The following ZPR1 variants were observed in gnomAD, a reference collection of about 807,000 sequenced individuals.
The protein encoded by ZPR1 is zinc finger protein ZPR1.
Under a neutral mutation model 59.6 loss-of-function variants are expected in ZPR1, and 37 were observed. The ratio of observed to expected loss-of-function variants is 0.62; its 90% confidence interval spans 0.48 to 0.82. The LOEUF (loss-of-function observed/expected upper bound fraction) is 0.82. Ranked by LOEUF, ZPR1 falls within the 40% of genes least tolerant of loss-of-function variation. The pLI is 0.00. For synonymous variants in ZPR1, 191 were observed against 215.2 expected, an observed-to-expected ratio of 0.89 and a Z score of 0.99; for missense variants, 527 against 579.9, an observed-to-expected ratio of 0.91 and a Z score of 0.94.
At position 116,777,947 on chromosome 11, in the gene ZPR1, A is replaced by G. The variant is rs1245932481; in HGVS notation, c.*978T>C. On this transcript the variant is annotated 3_prime_UTR_variant, in exon 14 of 14. Transcript: ENST00000227322. The stretch of plus-strand genomic sequence containing the variant: ...AACATTTCTAACTGAGAGTAGGGCT[A>G]ACTGATCAGGTACCCCCACTGGCTC... 1 of 152,170 alleles carries G rather than the reference A, an allele frequency of 6.6e-6. No individual in the cohort carries two copies. Among genetic ancestry groups the G allele is most frequent in the Admixed American group, 6.5e-5 (1 of 15,270 alleles). 9.4% of individuals were successfully genotyped at this position (152,170 alleles called of 1,614,324 possible).
intron 12 of ZPR1, among the ~76,000 whole-genome samples, chr11:116,781,048 G>A (rs1316921935): frequency 6.6e-6 from 1 of 152,020 alleles, no homozygotes; most frequent in Admixed American, 6.5e-5. Context: ...AGTTTTAGTG[G>A]AAATGAAAAC....
chr11:116,787,486 A>G lies in ZPR1; in HGVS notation c.329T>C (p.Leu110Pro), dbSNP rs1940905507. 1.2e-6 allele frequency: 2 copies of G among 1,613,602 alleles called. No homozygotes were observed. The highest frequency in any genetic ancestry group is 1.3e-5 in the African/African-American group (1 of 75,036). Residue 110 changes from leucine to proline, a missense_variant, in exon 2 of 14, where the codon CTG (leucine) becomes CCG (proline). Leu to Pro is a moderately conservative substitution (Grantham distance 98, BLOSUM62 -3). Transcript: ENST00000227322. ...GVRYTLSVRA[L>P]EDMNREVVKT... Reference sequence around the variant, plus strand: ...CCTGCTCTGAGGTCCTCTCACCTCCAGAGCCCTGACAGACAAAGTGTAGCG... The same window carrying G: ...CCTGCTCTGAGGTCCTCTCACCTCCGGAGCCCTGACAGACAAAGTGTAGCG...
At chr11:116,782,089 A>G in intron 12 of ZPR1, 69 bp downstream of exon 12, 1 of 1,178,740 alleles carries the variant, frequency 8.5e-7, no homozygotes. Context: ...GTGGCAAGAC[A>G]TGAGCATGCA....
chr11:116,786,399 T>C, intron 4 of ZPR1, 112 bp downstream of exon 4: 8 of 1,173,834 alleles, frequency 6.8e-6, no homozygotes, highest in Non-Finnish European at 1.0e-5. Flanking sequence ...AGCACCACCA[T>C]ATGCTTACCC....
At chr11:116,779,180 T>G in intron 13 of ZPR1, 121 bp from the exon 14 acceptor site, 2 of 1,366,494 alleles carry the variant, frequency 1.5e-6, no homozygotes, top group African/African-American at 1.4e-5. Flanking sequence ...TTTATTGGCC[T>G]CCAATTTCCC....
rs566006409 is a variant in ZPR1 at position 116,782,915 on chromosome 11, T to A, written c.1092+4A>T. ...GTGGTTTACACACTACTCAAGTGAC[T>A]CACCAGTTCCCGGATGTCTTTCAGC... On this transcript the variant is annotated splice_donor_region_variant and intron_variant, in intron 11 of 13. Coordinates refer to ENST00000227322, the MANE Select transcript of ZPR1 (RefSeq NM_003904.5). The A allele has an allele frequency of 1.2e-6, 2 of 1,613,220 alleles. No individual in the cohort carries two copies. Among genetic ancestry groups the A allele is most frequent in the East Asian group, 4.5e-5 (2 of 44,884 alleles).
Position 116,778,909 on chromosome 11 carries a change from C to T in ZPR1, c.*16G>A. Reference sequence around the variant, plus strand: ...GAAAGAGCAGCGCTGGAGGCTGGCCCTTGAGCCACCCACTGCTACCGTTGC... The same window carrying T: ...GAAAGAGCAGCGCTGGAGGCTGGCCTTTGAGCCACCCACTGCTACCGTTGC... On this transcript the variant is annotated 3_prime_UTR_variant, in exon 14 of 14. Transcript: ENST00000227322. 1 of 1,612,856 alleles carries T rather than the reference C, an allele frequency of 6.2e-7. No individual in the cohort carries two copies. The highest frequency in any genetic ancestry group is 8.5e-7 in the Non-Finnish European group (1 of 1,179,866).
chr11:116,787,545 G>C lies in ZPR1; in HGVS notation c.270C>G (p.Ile90Met), dbSNP rs766453854. The C allele has an allele frequency of 1.9e-6, 3 of 1,614,230 alleles. No individual in the cohort carries two copies. The East Asian group carries it at 6.7e-5, about 36-fold the overall frequency. The change falls in exon 2 of 14, where the codon ATC becomes ATG. Residue 90 changes from isoleucine (I) to methionine (M), a missense_variant. Physicochemically the swap from Ile to Met is conservative, Grantham distance 10. Coordinates refer to ENST00000227322, the MANE Select transcript of ZPR1 (RefSeq NM_003904.5). ...GGTCCTGGATCCTGCCTGCCGACTG[G>C]ATCTCCGTGTTGTTCCAGCCACAGT... Reference protein sequence around the residue: ...CEHCGWNNTEIQSAGRIQDQG... With the variant: ...CEHCGWNNTEMQSAGRIQDQG...
chr11:116,776,251 A>T lies in ZPR1; in HGVS notation c.*2674T>A, dbSNP rs1428941418. ...ACTTTCCTTTTTTAACACAATCACA[A>T]ACCTTTTCCACTTAAATGTTACTCA... On this transcript the variant is annotated 3_prime_UTR_variant, in exon 14 of 14. Transcript: ENST00000227322. 2 of 152,164 alleles carry T rather than the reference A, an allele frequency of 1.3e-5. No homozygotes were observed. Among genetic ancestry groups the T allele is most frequent in the Non-Finnish European group, 2.9e-5 (2 of 68,026 alleles). The allele number at this position is 152,164 out of a possible 1,614,324, so 9.4% of individuals were successfully genotyped here.
chr11:116,784,527 C>G lies in ZPR1; in HGVS notation c.821-79G>C, dbSNP rs570101828. On this transcript the variant is annotated intron_variant, in intron 8 of 13. Coordinates refer to ENST00000227322, the MANE Select transcript of ZPR1 (RefSeq NM_003904.5). ...GGGAAAAACAAAGCCAAACCCCACA[C>G]AAACATATGCTGGTCCCAGAACTGC... 116 of 1,323,198 alleles carry G rather than the reference C, an allele frequency of 8.8e-5. 2 individuals are homozygous for G. In the South Asian group the frequency reaches 1.3e-3, roughly 15 times the overall value. The allele number at this position is 1,323,198 out of a possible 1,614,324, so 82.0% of individuals were successfully genotyped here. A position where few individuals can be genotyped will look rare whatever the true frequency, so the allele number is the denominator to read the frequency against.
rs772874052 is a variant in ZPR1, at chr11:116,786,546, T to G, written c.460A>C (p.Ile154Leu). The G allele has an allele frequency of 1.9e-6, 3 of 1,614,124 alleles. No homozygotes were observed. The highest frequency in any genetic ancestry group is 2.7e-5 in the African/African-American group (2 of 74,946). The change falls in exon 4 of 14, where the codon ATC becomes CTC. Residue 154 changes from isoleucine (I) to leucine (L), a missense_variant. Ile to Leu is a conservative substitution (Grantham distance 5, BLOSUM62 2). Transcript: ENST00000227322. ...GGCTGGTCCTGCTCCAGGCCAGAGATAGCACGGGTGATCAATCCTTCAACA... is the reference window on the plus strand; with the variant it reads ...GGCTGGTCCTGCTCCAGGCCAGAGAGAGCACGGGTGATCAATCCTTCAACA... Reference protein sequence around the residue: ...TTVEGLITRAISGLEQDQPAR... With the variant: ...TTVEGLITRALSGLEQDQPAR...
At chr11:116,779,626 C>T in intron 13 of ZPR1, 146 bp downstream of exon 13, 1 of 532,518 alleles carries the variant, frequency 1.9e-6, no homozygotes, top group Non-Finnish European at 3.2e-6. Context: ...CCCCTCTTTT[C>T]TCCCTTATGT....
Position 116,778,680 on chromosome 11 carries a change from A to C in ZPR1, c.*245T>G. 1 of 472,970 alleles carries C rather than the reference A, an allele frequency of 2.1e-6. No homozygotes were observed. Among genetic ancestry groups the C allele is most frequent in the Non-Finnish European group, 3.7e-6 (1 of 269,112 alleles). The allele number at this position is 472,970 out of a possible 1,614,324, so 29.3% of individuals were successfully genotyped here. A position where few individuals can be genotyped will look rare whatever the true frequency, so the allele number is the denominator to read the frequency against. On this transcript the variant is annotated 3_prime_UTR_variant, in exon 14 of 14. Transcript: ENST00000227322. ...AAAAGTGATGACATACCCCTGGTTC[A>C]TTTCTGGGTTTCCTCCTAGGCCAAT...
At position 116,776,226 on chromosome 11, in the gene ZPR1, A is replaced by T. The variant is rs1007430052; in HGVS notation, c.*2699T>A. ...GGAGGCGTGCCCTCATGCATGAACC[A>T]CTTTCCTTTTTTAACACAATCACAA... On this transcript the variant is annotated 3_prime_UTR_variant, in exon 14 of 14. Coordinates refer to ENST00000227322, the MANE Select transcript of ZPR1 (RefSeq NM_003904.5). The T allele has an allele frequency of 2.6e-5, 4 of 152,136 alleles. No homozygotes were observed. Among genetic ancestry groups the T allele is most frequent in the African/African-American group, 9.7e-5 (4 of 41,420 alleles). The allele number at this position is 152,136 out of a possible 1,614,324, so 9.4% of individuals were successfully genotyped here.
chr11:116,783,733 CAAAG>C, intron 9 of ZPR1, 114 bp from the exon 10 acceptor site: 2 of 775,654 alleles, frequency 2.6e-6, no homozygotes. Context: ...TAATAGCTAC[CAAAG>C]AAAGAGCCTT....
rs988039051 is a variant in ZPR1, at chr11:116,775,971, A to G, written c.*2954T>C. The G allele has an allele frequency of 6.6e-6, 1 of 152,300 alleles. No individual in the cohort carries two copies. The highest frequency in any genetic ancestry group is 2.4e-5 in the African/African-American group (1 of 41,472). 9.4% of individuals were successfully genotyped at this position (152,300 alleles called of 1,614,324 possible). ...ATTTTCTGCAGTGTGCATCAGGCAC[A>G]TACCACAGGTGTACAAAGAAGGAAA... is the stretch of plus-strand genomic sequence containing the variant. On this transcript the variant is annotated 3_prime_UTR_variant, in exon 14 of 14. Transcript: ENST00000227322.
rs769328026 is a variant in ZPR1 at position 116,779,823 on chromosome 11, G to A, written c.1194C>T (p.Asn398=). 2.6e-6 allele frequency: 4 copies of A among 1,514,072 alleles called. No individual in the cohort carries two copies. The African/African-American group carries it at 4.2e-5, about 16-fold the overall frequency. The allele number at this position is 1,514,072 out of a possible 1,614,324, so 93.8% of individuals were successfully genotyped here. Residue 398 remains asparagine (N), a synonymous_variant, in exon 13 of 14, where the codon AAC becomes AAT. Transcript: ENST00000227322. ...SQKMDQIIEG[N]MKAHFIMDDP... is the part of the protein sequence containing the mutation. ...CATCCATAATAAAGTGGGCCTTCAT[G>A]TTACCTTCGATGATCTAAAGGAGAG...
rs1181085821 is a variant in ZPR1, at chr11:116,774,692, C to T, written c.*4233G>A. On this transcript the variant is annotated 3_prime_UTR_variant, in exon 14 of 14. Coordinates refer to ENST00000227322, the MANE Select transcript of ZPR1 (RefSeq NM_003904.5). ...GCTCTGAGGGCTTGTGAGACGAGGA[C>T]GCTGGGCTGAGAAGATAGGGCTTCA... 1 of 152,176 alleles carries T rather than the reference C, an allele frequency of 6.6e-6. No homozygotes were observed. The highest frequency in any genetic ancestry group is 1.9e-4 in the East Asian group (1 of 5,182). The allele number at this position is 152,176 out of a possible 1,614,324, so 9.4% of individuals were successfully genotyped here. A position where few individuals can be genotyped will look rare whatever the true frequency, so the allele number is the denominator to read the frequency against.
At position 116,787,890 on chromosome 11, in the gene ZPR1, G is replaced by C; in HGVS notation, c.101C>G (p.Pro34Arg). ...PPPAPDHLFR[P>R]ISAEDEEQQP... is the part of the protein sequence containing the mutation. Reference sequence around the variant, plus strand: ...CTGCTCCTCGTCCTCGGCGCTGATGGGCCGGAACAGGTGATCAGGGGCAGG... The same window carrying C: ...CTGCTCCTCGTCCTCGGCGCTGATGCGCCGGAACAGGTGATCAGGGGCAGG... The change falls in exon 1 of 14, where the codon CCC (proline) becomes CGC (arginine). Residue 34 changes from proline to arginine, a missense_variant. Pro to Arg is a moderately radical substitution (Grantham distance 103, BLOSUM62 -2). Coordinates refer to ENST00000227322, the MANE Select transcript of ZPR1 (RefSeq NM_003904.5). The C allele has an allele frequency of 6.5e-7, 1 of 1,545,100 alleles. No homozygotes were observed. Among genetic ancestry groups the C allele is most frequent in the Non-Finnish European group, 8.7e-7 (1 of 1,147,424 alleles).
Sources: allele counts gnomAD v4.1 joint callset (sites outside exome capture counted in the v4.1 genomes callset), GRCh38; gene constraint gnomAD v4.1.1; transcripts MANE v1.5; gene names NCBI Gene and HGNC (gene_info 2026-07-23, HGNC 2026-07-21).